The following TMEM192 variants were observed in gnomAD, a reference collection of about 807,000 sequenced individuals.
The protein encoded by TMEM192 is transmembrane protein 192.
TMEM192 carries 20 observed loss-of-function variants against 26.7 expected under a neutral mutation model. The ratio of observed to expected loss-of-function variants is 0.75; its 90% CI spans 0.53 to 1.09. The LOEUF is 1.09. Among genes scored for constraint, TMEM192 ranks in the 50% least tolerant of loss-of-function variants. The pLI is 0.00. For synonymous variants in TMEM192, 124 were observed against 121.0 expected (o/e 1.02, Z -0.16); for missense variants, 304 against 322.6 (o/e 0.94, Z 0.44).
rs56000323 is a variant in TMEM192 at position 165,089,040 on chromosome 4, CAAAAAAAAAAAAAAAAAAA to C, written c.440-457_440-439del. On this transcript the variant is annotated intron_variant, in intron 3 of 5. Coordinates refer to ENST00000306480, the MANE Select transcript of TMEM192 (RefSeq NM_001100389.2). Reference sequence around the variant, plus strand: ...TGGGCAACAGAGCAAGACCCTACTGCAAAAAAAAAAAAAAAAAAAAAAAAAAGGAAAAGAAATGAAAGAC... The same window carrying C: ...TGGGCAACAGAGCAAGACCCTACTGCAAAAAAAGGAAAAGAAATGAAAGAC... 8.5e-5 allele frequency among the ~76,000 whole-genome samples: 4 copies of C among 47,290 alleles called. No homozygotes were observed. The Admixed American group carries it at 1.7e-3, about 20-fold the overall frequency. 31.0% of individuals were successfully genotyped at this position (47,290 alleles called of 152,430 possible). A position where few individuals can be genotyped will look rare whatever the true frequency, so the allele number is the denominator to read the frequency against.
intron 3 of TMEM192, among the ~76,000 whole-genome samples, chr4:165,098,249 C>T (rs1734959496): frequency 6.6e-6 from 1 of 151,166 alleles, no homozygotes; most frequent in Non-Finnish European, 1.5e-5. Flanking sequence ...CTCAGCCTCC[C>T]GAGTAGCTGG....
rs1337221767 is a variant in TMEM192 at position 165,082,421 on chromosome 4, G to A, written c.678-2625C>T. 7.6e-5 allele frequency among the ~76,000 whole-genome samples: 3 copies of A among 39,568 alleles called. 1 individual carries two copies. Among genetic ancestry groups the A allele is most frequent in the African/African-American group, 1.4e-4 (3 of 21,998 alleles). The allele number at this position is 39,568 out of a possible 152,430, so 26.0% of individuals were successfully genotyped here. ...TGCCTCCTTGGCTTTATTTCTCCCC[G>A]TGTCCTCTAAATGTAGCCTCTCTGC... On this transcript the variant is annotated intron_variant, in intron 5 of 5. Coordinates refer to ENST00000306480, the MANE Select transcript of TMEM192 (RefSeq NM_001100389.2).
chr4:165,086,672 G>T (rs974109949), intron 4 of TMEM192, among the ~76,000 whole-genome samples: 2 of 151,350 alleles, frequency 1.3e-5, no homozygotes, highest in Non-Finnish European at 2.9e-5. Flanking sequence ...TGATCCACCC[G>T]CTGAGGCCTC....
At chr4:165,094,992 T>C (rs1228537004) in intron 3 of TMEM192, among the ~76,000 whole-genome samples, 1 of 151,068 alleles carries the variant, frequency 6.6e-6, no homozygotes, top group East Asian at 2.0e-4. Context: ...AAAAAAAGAT[T>C]CTAAGGTTAA....
intron 2 of TMEM192, 79 bp from the exon 3 acceptor site, chr4:165,100,971 CTTTTT>C: frequency 4.1e-4 from 317 of 772,056 alleles, no homozygotes; most frequent in East Asian, 9.2e-4. Flanking sequence ...AGCATACATT[CTTTTT>C]TTTTTTTTTT....
Position 165,071,128 on chromosome 4 carries a change from CATAACT to C in TMEM192, c.*8524_*8529del. The stretch of plus-strand genomic sequence containing the variant: ...AACACTATATTTTTTCCTATCCACA[CATAACT>C]ACAATAAAGTTAAATTTATAAATTA... On this transcript the variant is annotated 3_prime_UTR_variant, in exon 6 of 6. Coordinates refer to ENST00000306480, the MANE Select transcript of TMEM192 (RefSeq NM_001100389.2). The C allele has an allele frequency of 6.6e-6, 1 of 152,282 alleles. No homozygotes were observed. Among genetic ancestry groups the C allele is most frequent in the African/African-American group, 2.4e-5 (1 of 41,554 alleles). 9.4% of individuals were successfully genotyped at this position (152,282 alleles called of 1,614,324 possible). A position where few individuals can be genotyped will look rare whatever the true frequency, so the allele number is the denominator to read the frequency against.
chr4:165,087,638 G>A (rs570921617), intron 4 of TMEM192, among the ~76,000 whole-genome samples: 185 of 152,158 alleles, frequency 1.2e-3, no homozygotes, highest in African/African-American at 4.2e-3. Context: ...TCATTAAGCA[G>A]ATGAATATAT....
intron 3 of TMEM192, among the ~76,000 whole-genome samples, chr4:165,094,120 C>G (rs1188019809): frequency 1.3e-5 from 2 of 151,456 alleles, no homozygotes; most frequent in African/African-American, 4.9e-5. Flanking sequence ...AGGCTGGTCT[C>G]GAACTCCTGA....
chr4:165,096,241 C>G (rs1046828181), intron 3 of TMEM192, among the ~76,000 whole-genome samples: 5 of 151,930 alleles, frequency 3.3e-5, no homozygotes, highest in Non-Finnish European at 7.4e-5. Flanking sequence ...AGCCTCGTCT[C>G]TACTAAAAAT....
chr4:165,110,331 C>A (rs2110805007), intron 1 of TMEM192, among the ~76,000 whole-genome samples: 1 of 152,324 alleles, frequency 6.6e-6, no homozygotes. Context: ...CTTAGTGGAA[C>A]CATCCTTCAA....
intron 3 of TMEM192, among the ~76,000 whole-genome samples, chr4:165,096,009 C>G (rs1423438625): frequency 6.6e-6 from 1 of 150,470 alleles, no homozygotes; most frequent in East Asian, 2.0e-4. Flanking sequence ...GTTGGCCAGG[C>G]CTGTCTTGGA....
At chr4:165,109,268 A>T (rs183424350) in intron 1 of TMEM192, among the ~76,000 whole-genome samples, 3 of 152,366 alleles carry the variant, frequency 2.0e-5, no homozygotes, top group Admixed American at 6.5e-5. Context: ...CTTGATACAC[A>T]GCAGATGCTA....
At chr4:165,105,243 G>A (rs954387888) in intron 1 of TMEM192, among the ~76,000 whole-genome samples, 3 of 152,156 alleles carry the variant, frequency 2.0e-5, no homozygotes, top group African/African-American at 7.2e-5. Flanking sequence ...GCAAACATTT[G>A]CTAGATGAAT....
chr4:165,085,273 CAAAAAA>C (rs398051329), intron 5 of TMEM192, among the ~76,000 whole-genome samples: 1 of 83,698 alleles, frequency 1.2e-5, no homozygotes, highest in Admixed American at 1.3e-4. Flanking sequence ...AACTCCATCT[CAAAAAA>C]AAAAAAAAAA....
Position 165,084,408 on chromosome 4 carries a change from A to G in TMEM192, c.677+1178T>C, listed in dbSNP as rs367594844. 4.4e-4 allele frequency among the ~76,000 whole-genome samples: 66 copies of G among 151,156 alleles called. 1 individual carries two copies. The highest frequency in any genetic ancestry group is 1.5e-3 in the African/African-American group (62 of 41,306). ...GAGATGGGGTTTCATCATGTTGGCC[A>G]GGCTGGTCTTGAACTCCTGACCTCA... is the stretch of plus-strand genomic sequence containing the variant. On this transcript the variant is annotated intron_variant, in intron 5 of 5. Transcript: ENST00000306480.
At chr4:165,099,093 T>C (rs1486225209) in intron 3 of TMEM192, among the ~76,000 whole-genome samples, 1 of 147,906 alleles carries the variant, frequency 6.8e-6, no homozygotes, top group Non-Finnish European at 1.5e-5. Context: ...ACTACAACTT[T>C]TTTTCTTTCT....
rs1332383752 is a variant in TMEM192 at position 165,073,775 on chromosome 4, TTG to T, written c.*5881_*5882del. 1 of 152,150 alleles carries T rather than the reference TTG, an allele frequency of 6.6e-6. No individual in the cohort carries two copies. The highest frequency in any genetic ancestry group is 2.4e-5 in the African/African-American group (1 of 41,420). 9.4% of individuals were successfully genotyped at this position (152,150 alleles called of 1,614,324 possible). On this transcript the variant is annotated 3_prime_UTR_variant, in exon 6 of 6. Transcript: ENST00000306480. ...GTTACTCTTTGCTACACTGAAATGT[TTG>T]TGTAAAGAGAAACGTAAATCTAGCC...
intron 3 of TMEM192, among the ~76,000 whole-genome samples, chr4:165,090,143 G>A (rs1734722452): frequency 6.7e-6 from 1 of 149,698 alleles, no homozygotes; most frequent in African/African-American, 2.5e-5. Context: ...CCCGGGAGGT[G>A]GAGGTTGCGG....
At chr4:165,099,500 T>A (rs954091757) in intron 3 of TMEM192, among the ~76,000 whole-genome samples, 3 of 152,216 alleles carry the variant, frequency 2.0e-5, no homozygotes, top group Admixed American at 2.0e-4. Flanking sequence ...CTAAGTCTCA[T>A]GTGGACCTTC....
Sources: gnomAD v4.1 joint callset for allele counts (sites outside exome capture counted in the v4.1 genomes callset) on GRCh38, gnomAD v4.1.1 for gene constraint, MANE v1.5 for transcripts, NCBI Gene and HGNC (gene_info 2026-07-23, HGNC 2026-07-21) for gene names.